The following MSTO1 variants were observed in gnomAD, a reference collection of about 807,000 sequenced individuals.
The protein encoded by MSTO1 is misato mitochondrial distribution and morphology regulator 1, also known as protein misato homolog 1.
Under a neutral mutation model 55.7 loss-of-function variants are expected in MSTO1, and 24 were observed. That is an observed-to-expected ratio of 0.43 (90% CI 0.31 to 0.61). The LOEUF is 0.61. Ranked by LOEUF, MSTO1 falls within the 20% of genes least tolerant of loss-of-function variation. The probability of loss-of-function intolerance (pLI) is 0.09; values close to 1 mark genes in which losing one functional copy is unlikely to be tolerated. For missense variants in MSTO1, 363 were observed against 625.7 expected, an observed-to-expected ratio of 0.58 and a Z score of 4.48; for synonymous variants, 162 against 252.8, an observed-to-expected ratio of 0.64 and a Z score of 3.41.
chr1:155,574,098 T>C, the MSTO1 span, among the ~76,000 whole-genome samples: 1 of 152,156 alleles, frequency 6.6e-6, no homozygotes, highest in Non-Finnish European at 1.5e-5. Flanking sequence ...GGCTCACGCC[T>C]GTAATCCCAG....
At chr1:155,609,048 A>G (rs533927510), upstream of MSTO1, among the ~76,000 whole-genome samples, 30 of 148,332 alleles carry the variant, frequency 2.0e-4, no homozygotes, top group African/African-American at 6.2e-4. Context: ...GCTGGTCTCA[A>G]CCTCCTGACC....
chr1:155,580,361 T>A, the MSTO1 span, among the ~76,000 whole-genome samples: 1 of 151,384 alleles, frequency 6.6e-6, no homozygotes. Flanking sequence ...CCCTGCCCTG[T>A]CTCTACAAAA....
the MSTO1 span, among the ~76,000 whole-genome samples, chr1:155,572,851 T>C: frequency 6.6e-6 from 1 of 152,012 alleles, no homozygotes; most frequent in African/African-American, 2.4e-5. Context: ...GGTTTCTCCA[T>C]GTTGGTCAGG....
At chr1:155,590,538 G>A in the MSTO1 span, 15 of 791,414 alleles carry the variant, frequency 1.9e-5, no homozygotes, top group Admixed American at 3.6e-4. Context: ...CCATCCCAAA[G>A]CTGTTGGGCA....
chr1:155,599,681 C>T, the MSTO1 span, among the ~76,000 whole-genome samples: 3 of 152,104 alleles, frequency 2.0e-5, no homozygotes, highest in Admixed American at 1.3e-4. Flanking sequence ...ATGGAGGATC[C>T]CGCCAGCCTC....
the MSTO1 span, among the ~76,000 whole-genome samples, chr1:155,567,336 G>C: frequency 6.8e-6 from 1 of 147,172 alleles, no homozygotes; most frequent in Non-Finnish European, 1.5e-5. Context: ...TTTTGAGACG[G>C]AGTCTCGTTC....
rs1675211320 is a variant in MSTO1, at chr1:155,614,579, C to T, written c.*306C>T. On this transcript the variant is annotated 3_prime_UTR_variant, in exon 14 of 14. Transcript: ENST00000245564. Reference sequence around the variant, plus strand: ...AGCCCCTGGGTCCTACTCCATCCTCCAGCCTTTGTCCTTGTCCTGGCCTCC... The same window carrying T: ...AGCCCCTGGGTCCTACTCCATCCTCTAGCCTTTGTCCTTGTCCTGGCCTCC... 11 of 626,492 alleles carry T rather than the reference C, an allele frequency of 1.8e-5. 1 individual carries two copies. The South Asian group carries it at 2.1e-4, about 12-fold the overall frequency. The allele number at this position is 626,492 out of a possible 1,614,324, so 38.8% of individuals were successfully genotyped here.
At chr1:155,613,606 A>G (rs1315530509) in intron 12 of MSTO1, 40 bp downstream of exon 12, 1 of 1,586,954 alleles carries the variant, frequency 6.3e-7, no homozygotes, top group South Asian at 1.1e-5. Flanking sequence ...TGCCAACCGC[A>G]ACCCTCCCTT....
At chr1:155,607,833 C>G (rs796951710), upstream of MSTO1, among the ~76,000 whole-genome samples, 9 of 152,206 alleles carry the variant, frequency 5.9e-5, 1 homozygote, top group African/African-American at 2.2e-4. Flanking sequence ...CCCTTCTGTA[C>G]AAAAAATACA....
At chr1:155,591,007 A>T in the MSTO1 span, 3 of 1,613,946 alleles carry the variant, frequency 1.9e-6, no homozygotes, top group South Asian at 3.3e-5. Context: ...AAGGAGGGTG[A>T]TGACACAGAC....
chr1:155,572,976 T>C, the MSTO1 span, among the ~76,000 whole-genome samples: 1 of 152,072 alleles, frequency 6.6e-6, no homozygotes, highest in Admixed American at 6.6e-5. Context: ...GAATGGTAGA[T>C]CAAATTCCAT....
At chr1:155,567,082 T>C in the MSTO1 span, among the ~76,000 whole-genome samples, 1 of 152,038 alleles carries the variant, frequency 6.6e-6, no homozygotes, top group South Asian at 2.1e-4. Context: ...AGGGTTGACT[T>C]TACATTTGAC....
the MSTO1 span, among the ~76,000 whole-genome samples, chr1:155,592,907 G>C: frequency 6.7e-6 from 1 of 149,892 alleles, no homozygotes; most frequent in African/African-American, 2.5e-5. Context: ...TTCCTACAGA[G>C]CAGTTTACTT....
At chr1:155,602,381 C>T in the MSTO1 span, among the ~76,000 whole-genome samples, 3 of 152,164 alleles carry the variant, frequency 2.0e-5, no homozygotes, top group Admixed American at 2.0e-4. Context: ...GAGGCTGAGG[C>T]AGGAGAATCG....
At chr1:155,574,774 C>T in the MSTO1 span, among the ~76,000 whole-genome samples, 1 of 152,024 alleles carries the variant, frequency 6.6e-6, no homozygotes, top group Admixed American at 6.6e-5. Flanking sequence ...TCCTATGTTG[C>T]CCAGGCTGGT....
the MSTO1 span, among the ~76,000 whole-genome samples, chr1:155,584,911 TTTTG>T: frequency 4.9e-3 from 700 of 142,270 alleles, 3 homozygotes; most frequent in Non-Finnish European, 8.6e-3. Context: ...AGGTTTTTTT[TTTTG>T]TTTTGTTTGT....
chr1:155,613,289 T>C (rs1674724965), intron 11 of MSTO1, 56 bp downstream of exon 11: 5 of 1,589,226 alleles, frequency 3.1e-6, no homozygotes, highest in Non-Finnish European at 3.4e-6. Flanking sequence ...ATATCCATCT[T>C]CCCCTAATTT....
rs1483320446 is a variant in MSTO1 at position 155,612,913 on chromosome 1, C to G, written c.1036C>G (p.Leu346Val). 6.2e-7 allele frequency: 1 copy of G among 1,613,690 alleles called. No individual in the cohort carries two copies. Among genetic ancestry groups the G allele is most frequent in the African/African-American group, 1.3e-5 (1 of 74,926 alleles). The change falls in exon 10 of 14, where the codon CTG becomes GTG. Residue 346 changes from leucine (L) to valine (V), a missense_variant. Coordinates refer to ENST00000245564, the MANE Select transcript of MSTO1 (RefSeq NM_018116.4). ...GGACACAGTCACTGTTCCTTATCGC[C>G]TGTGTTCCTCTCCAGTTTCCATGGT... The part of the protein sequence containing the change: ...ALDTVTVPYR[L>V]CSSPVSMVHL...
the MSTO1 span, among the ~76,000 whole-genome samples, chr1:155,590,205 G>T: frequency 4.6e-5 from 7 of 152,032 alleles, no homozygotes; most frequent in African/African-American, 1.4e-4. Flanking sequence ...GCCTGAGTAC[G>T]ATGGGGGGCA....
Sources: allele counts gnomAD v4.1 joint callset (sites outside exome capture counted in the v4.1 genomes callset), GRCh38; gene constraint gnomAD v4.1.1; transcripts MANE v1.5; gene names NCBI Gene and HGNC (gene_info 2026-07-23, HGNC 2026-07-21).